INTS4: variants seen among roughly 807,000 people sequenced by gnomAD.
INTS4 encodes integrator complex subunit 4.
A neutral mutation model predicts 119.5 loss-of-function variants in INTS4; 70 were observed. The observed-to-expected ratio is 0.59, with a 90% confidence interval of 0.48 to 0.71. The LOEUF (loss-of-function observed/expected upper bound fraction) is 0.71, where lower values mean the gene tolerates loss of function less well. INTS4 is among the 30% of genes least tolerant of loss of function. INTS4 has a pLI of 0.00. For missense variants in INTS4, 867 were observed against 1,173.2 expected (o/e 0.74, Z 3.81); for synonymous variants, 316 against 419.6 (o/e 0.75, Z 3.02).
downstream of INTS4, among the ~76,000 whole-genome samples, chr11:77,875,638 T>A (rs145201890): frequency 1.4e-3 from 217 of 152,356 alleles, 1 homozygote; most frequent in African/African-American, 3.6e-3. Flanking sequence ...TTAAGGGGTT[T>A]GCATTTGTGA....
At chr11:77,991,377 T>C in intron 1 of INTS4, 78 bp from the exon 2 acceptor site, 1 of 1,102,254 alleles carries the variant, frequency 9.1e-7, no homozygotes, top group Non-Finnish European at 1.4e-6. Context: ...TGATTTTCCA[T>C]TATACCAAAT....
chr11:77,909,919 C>G (rs893208353), intron 15 of INTS4, among the ~76,000 whole-genome samples: 1 of 152,122 alleles, frequency 6.6e-6, no homozygotes. Flanking sequence ...GTTAGAATGG[C>G]TATCATTAAA....
intron 4 of INTS4, 138 bp downstream of exon 4, chr11:77,978,858 T>A (rs530373000): frequency 8.8e-6 from 5 of 566,052 alleles, no homozygotes; most frequent in Admixed American, 5.4e-5. Context: ...ATACACTTTA[T>A]AACAAGTGTA....
intron 8 of INTS4, among the ~76,000 whole-genome samples, chr11:77,944,621 T>C (rs1330528772): frequency 6.6e-6 from 1 of 152,204 alleles, no homozygotes; most frequent in Non-Finnish European, 1.5e-5. Flanking sequence ...GTCCTCGATG[T>C]TTGTCGATTT....
intron 4 of INTS4, 81 bp downstream of exon 4, chr11:77,978,915 C>T (rs1399791508): frequency 1.3e-6 from 1 of 775,764 alleles, no homozygotes; most frequent in Non-Finnish European, 2.2e-6. Flanking sequence ...AAAAATAAGG[C>T]AGCTCCTAAA....
chr11:77,904,207 T>C (rs1952870228), intron 16 of INTS4, among the ~76,000 whole-genome samples: 1 of 152,204 alleles, frequency 6.6e-6, no homozygotes. Flanking sequence ...TTGCACAAAC[T>C]TCTGTGACAG....
intron 18 of INTS4, among the ~76,000 whole-genome samples, chr11:77,900,257 G>A (rs1466715440): frequency 2.0e-5 from 3 of 151,950 alleles, no homozygotes; most frequent in African/African-American, 7.3e-5. Flanking sequence ...ATGCCACCAT[G>A]CCCGGCTAAT....
chr11:77,876,231 C>T (rs1045420449), downstream of INTS4, among the ~76,000 whole-genome samples: 8 of 152,092 alleles, frequency 5.3e-5, no homozygotes, highest in African/African-American at 1.9e-4. Context: ...AGACCACTCA[C>T]TAAGAACAGA....
At chr11:77,877,737 A>G (rs1472979831), downstream of INTS4, among the ~76,000 whole-genome samples, 1 of 151,012 alleles carries the variant, frequency 6.6e-6, no homozygotes, top group Non-Finnish European at 1.5e-5. Context: ...TGACTGTTAT[A>G]TCACACTTGC....
At chr11:77,903,678 T>C in intron 16 of INTS4, 58 bp from the exon 17 acceptor site, 1 of 1,349,910 alleles carries the variant, frequency 7.4e-7, no homozygotes, top group East Asian at 2.3e-5. Flanking sequence ...TGGCCTATCA[T>C]TTGGGATTTA....
intron 13 of INTS4, among the ~76,000 whole-genome samples, chr11:77,921,766 C>T (rs953456655): frequency 2.0e-5 from 3 of 152,214 alleles, no homozygotes; most frequent in Non-Finnish European, 4.4e-5. Context: ...CATGGTGGCT[C>T]ACGCCTGTAA....
chr11:77,941,103 A>C lies in INTS4; in HGVS notation c.990+77T>G, dbSNP rs1182300804. The C allele has an allele frequency of 3.9e-5, 61 of 1,556,160 alleles. No homozygotes were observed. Among genetic ancestry groups the C allele is most frequent in the Non-Finnish European group, 5.2e-5 (60 of 1,155,320 alleles). On this transcript the variant is annotated intron_variant, in intron 9 of 22. Coordinates refer to ENST00000534064, the MANE Select transcript of INTS4 (RefSeq NM_033547.4). ...TAATTTAACAAATGCTGCTAAGTTA[A>C]ATCAACACAACTCAGCATACTGCCC... is the stretch of plus-strand genomic sequence containing the variant.
intron 11 of INTS4, among the ~76,000 whole-genome samples, chr11:77,927,397 G>A (rs1440969176): frequency 6.6e-6 from 1 of 152,150 alleles, no homozygotes; most frequent in Non-Finnish European, 1.5e-5. Flanking sequence ...TTTAAAGTAC[G>A]CAGTAGAAAT....
chr11:77,879,230 A>T, intron 22 of INTS4, 103 bp from the exon 23 acceptor site: 1 of 1,271,184 alleles, frequency 7.9e-7, no homozygotes, highest in Non-Finnish European at 1.1e-6. Context: ...GTAGGGAGAA[A>T]TTTCTTCATC....
At chr11:77,971,851 T>G (rs7941732) in intron 4 of INTS4, among the ~76,000 whole-genome samples, 113,377 of 151,902 alleles carry the variant, frequency 0.75, 42,858 homozygotes, top group African/African-American at 0.86. Context: ...CCAAAGACAC[T>G]AAAATATACT....
intron 16 of INTS4, among the ~76,000 whole-genome samples, chr11:77,906,328 A>G (rs1475300370): frequency 1.3e-5 from 2 of 152,192 alleles, no homozygotes; most frequent in Non-Finnish European, 2.9e-5. Context: ...TTTTCCTGTT[A>G]TTAAACACAC....
At chr11:77,898,524 A>ATCTTCG (rs1952631433) in intron 18 of INTS4, among the ~76,000 whole-genome samples, 1 of 152,236 alleles carries the variant, frequency 6.6e-6, no homozygotes, top group Non-Finnish European at 1.5e-5. Flanking sequence ...CTTCATCTTC[A>ATCTTCG]TCTTAGATCA....
intron 2 of INTS4, chr11:77,987,617 A>G (rs1013625047): frequency 3.1e-5 from 14 of 450,412 alleles, no homozygotes; most frequent in Non-Finnish European, 6.3e-5. Flanking sequence ...TGTAATCCCA[A>G]TCCTTTGGGA....
At chr11:77,960,079 T>C (rs1311962287) in intron 6 of INTS4, among the ~76,000 whole-genome samples, 10 of 152,138 alleles carry the variant, frequency 6.6e-5, no homozygotes. Context: ...GCTACACTTT[T>C]CTTCAGGTAC....
Sources: allele counts gnomAD v4.1 joint callset (sites outside exome capture counted in the v4.1 genomes callset), GRCh38; gene constraint gnomAD v4.1.1; transcripts MANE v1.5; gene names NCBI Gene and HGNC (gene_info 2026-07-23, HGNC 2026-07-21).